The following TCF7L2 variants were observed in gnomAD, a reference collection of about 807,000 sequenced individuals.
TCF7L2 encodes the protein transcription factor 7-like 2.
A neutral mutation model predicts 77.9 loss-of-function variants in TCF7L2; 23 were observed. The observed-to-expected ratio is 0.30, with a 90% CI of 0.21 to 0.42. TCF7L2 has a LOEUF of 0.42. Ranked by LOEUF, TCF7L2 falls within the 10% of genes least tolerant of loss-of-function variation. TCF7L2 has a pLI of 1.00. For missense variants in TCF7L2, 654 were observed against 793.1 expected, an observed-to-expected ratio of 0.82 and a Z score of 2.11; for synonymous variants, 413 against 340.2, an observed-to-expected ratio of 1.21 and a Z score of -2.36.
At chr10:112,951,723 C>T in intron 3 of TCF7L2, 116 bp downstream of exon 3, 1 of 398,604 alleles carries the variant, frequency 2.5e-6, no homozygotes, top group Middle Eastern at 1.2e-3. Context: ...CGCCTCCTCC[C>T]CTCCCTCCCT....
chr10:112,977,139 C>A (rs2039567747), intron 4 of TCF7L2, among the ~76,000 whole-genome samples: 1 of 152,124 alleles, frequency 6.6e-6, no homozygotes, highest in Non-Finnish European at 1.5e-5. Flanking sequence ...CAGATTCATT[C>A]TTTTCTCTTT....
rs947160422 is a variant in TCF7L2 at position 113,151,666 on chromosome 10, T to C, written c.1002-59T>C. 5.9e-6 allele frequency: 9 copies of C among 1,524,186 alleles called. No homozygotes were observed. Among genetic ancestry groups the C allele is most frequent in the Non-Finnish European group, 7.9e-6 (9 of 1,143,632 alleles). 94.4% of individuals were successfully genotyped at this position (1,524,186 alleles called of 1,614,324 possible). ...AGACAAGGAGATACGTTCCCTGCCA[T>C]GGAGGAAGTTGGACCACGACCTTGT... On this transcript the variant is annotated intron_variant, in intron 9 of 13. Transcript: ENST00000627217. This position sits in a 1 kb window ranked among gnomAD's most constrained non-coding sequence, Gnocchi z 5.2.
At chr10:112,952,340 CCTTTT>C (rs1260093846) in intron 3 of TCF7L2, among the ~76,000 whole-genome samples, 1 of 152,122 alleles carries the variant, frequency 6.6e-6, no homozygotes, top group Non-Finnish European at 1.5e-5. Flanking sequence ...TCTGAGGCGT[CCTTTT>C]CTTTGGCAAC....
At chr10:112,967,257 G>A (rs2134732247) in intron 4 of TCF7L2, among the ~76,000 whole-genome samples, 1 of 152,264 alleles carries the variant, frequency 6.6e-6, no homozygotes, top group African/African-American at 2.4e-5. Context: ...ACTTAAAACT[G>A]TTCAACCTTA....
chr10:113,161,309 T>G (rs1213559748), intron 13 of TCF7L2: 1 of 506,218 alleles, frequency 2.0e-6, no homozygotes, highest in Non-Finnish European at 3.6e-6. Context: ...TCATGCAGTC[T>G]CAGACTGCAG....
intron 5 of TCF7L2, among the ~76,000 whole-genome samples, chr10:113,128,450 C>T (rs2066022901): frequency 6.6e-6 from 1 of 151,972 alleles, no homozygotes; most frequent in African/African-American, 2.4e-5. Context: ...GTCTTGTGGG[C>T]TTGGAGATAA....
At chr10:113,022,422 G>A (rs912706724) in intron 4 of TCF7L2, among the ~76,000 whole-genome samples, 1 of 152,286 alleles carries the variant, frequency 6.6e-6, no homozygotes, top group Non-Finnish European at 1.5e-5. Flanking sequence ...CTGAGCTTCC[G>A]TGTGCCTGGG....
At chr10:113,062,534 C>G (rs2056625605) in intron 5 of TCF7L2, among the ~76,000 whole-genome samples, 1 of 152,068 alleles carries the variant, frequency 6.6e-6, no homozygotes, top group Non-Finnish European at 1.5e-5. Flanking sequence ...TCTTCTATGG[C>G]TACTGCACTT....
chr10:113,126,893 C>G, intron 5 of TCF7L2: 1 of 985,396 alleles, frequency 1.0e-6, no homozygotes, highest in Non-Finnish European at 1.2e-6. Flanking sequence ...TAAGCGCGGC[C>G]GGCGGCGGGC....
intron 5 of TCF7L2, among the ~76,000 whole-genome samples, chr10:113,122,814 G>T (rs2065005877): frequency 6.6e-6 from 1 of 152,128 alleles, no homozygotes; most frequent in Non-Finnish European, 1.5e-5. Flanking sequence ...GGAATTACCT[G>T]GGCCCGGTAT....
intron 4 of TCF7L2, among the ~76,000 whole-genome samples, chr10:112,988,180 C>T (rs1477507757): frequency 6.6e-6 from 1 of 151,688 alleles, no homozygotes; most frequent in Non-Finnish European, 1.5e-5. Context: ...TCACGGCAAC[C>T]TCTGTCTCCT....
intron 3 of TCF7L2, among the ~76,000 whole-genome samples, chr10:112,960,469 G>A (rs2034779027): frequency 6.6e-6 from 1 of 152,132 alleles, no homozygotes; most frequent in African/African-American, 2.4e-5. Flanking sequence ...ACTGATTTTT[G>A]TTGAGAGCTT....
At chr10:113,071,929 A>G (rs1431960495) in intron 5 of TCF7L2, among the ~76,000 whole-genome samples, 1 of 152,190 alleles carries the variant, frequency 6.6e-6, no homozygotes, top group Non-Finnish European at 1.5e-5. Context: ...TTGTGGGTGC[A>G]CTCTGCTTCA....
chr10:113,153,771 C>G (rs538823618), intron 11 of TCF7L2, among the ~76,000 whole-genome samples: 284 of 152,374 alleles, frequency 1.9e-3, no homozygotes, highest in African/African-American at 6.5e-3. Context: ...GATATCTTTA[C>G]TCCCTCAGAA....
intron 4 of TCF7L2, among the ~76,000 whole-genome samples, chr10:113,005,184 C>G (rs967005390): frequency 3.9e-5 from 6 of 152,310 alleles, no homozygotes; most frequent in African/African-American, 1.2e-4. Flanking sequence ...AAGACGGTGT[C>G]ATAGGTGGTC....
At chr10:113,086,817 G>A (rs931177298) in intron 5 of TCF7L2, among the ~76,000 whole-genome samples, 12 of 151,552 alleles carry the variant, frequency 7.9e-5, no homozygotes, top group African/African-American at 2.7e-4. Context: ...TTCTGTAGTT[G>A]TATATACATT....
At chr10:113,106,130 G>A (rs1440935732) in intron 5 of TCF7L2, among the ~76,000 whole-genome samples, 6 of 152,192 alleles carry the variant, frequency 3.9e-5, no homozygotes, top group Non-Finnish European at 7.4e-5. Flanking sequence ...GGACCTGAGT[G>A]CACTGAGAAT....
chr10:113,083,647 G>C (rs1018458816), intron 5 of TCF7L2, among the ~76,000 whole-genome samples: 1 of 152,186 alleles, frequency 6.6e-6, no homozygotes, highest in Non-Finnish European at 1.5e-5. Flanking sequence ...GCGTGTGTAC[G>C]TGGGGTTGGC....
chr10:112,975,191 G>T (rs1197824577), intron 4 of TCF7L2, among the ~76,000 whole-genome samples: 1 of 152,126 alleles, frequency 6.6e-6, no homozygotes, highest in Non-Finnish European at 1.5e-5. Context: ...GTTATAAAAA[G>T]AAACATTCAC....
Sources: allele counts gnomAD v4.1 joint callset (sites outside exome capture counted in the v4.1 genomes callset), GRCh38; gene constraint gnomAD v4.1.1; non-coding constraint Gnocchi (gnomAD v3.1); transcripts MANE v1.5; gene names NCBI Gene and HGNC (gene_info 2026-07-23, HGNC 2026-07-21).